GBE1: variants seen among roughly 807,000 people sequenced by gnomAD.
GBE1 encodes 1,4-alpha-glucan branching enzyme 1.
A neutral mutation model predicts 88.8 loss-of-function variants in GBE1; 70 were observed. The observed-to-expected ratio is 0.79, with a 90% CI of 0.65 to 0.96. The LOEUF is 0.96. Among genes scored for constraint, GBE1 ranks in the 40% least tolerant of loss-of-function variants. The pLI is 0.00. For synonymous variants in GBE1, 284 were observed against 300.1 expected (o/e 0.95, Z 0.56); for missense variants, 872 against 871.0 (o/e 1.00, Z -0.01).
At chr3:81,625,493 C>T (rs897478020) in intron 7 of GBE1, among the ~76,000 whole-genome samples, 1 of 151,906 alleles carries the variant, frequency 6.6e-6, no homozygotes, top group Non-Finnish European at 1.5e-5. Flanking sequence ...GGCTGGAGTG[C>T]AGCAGCATGA....
intron 7 of GBE1, among the ~76,000 whole-genome samples, chr3:81,602,515 G>A (rs969909122): frequency 2.6e-5 from 4 of 152,100 alleles, no homozygotes; most frequent in Non-Finnish European, 5.9e-5. Flanking sequence ...GTCCTCTTAC[G>A]AGTTGCAAAG....
At chr3:81,492,478 G>A (rs1444662048) in intron 15 of GBE1, among the ~76,000 whole-genome samples, 82 of 145,652 alleles carry the variant, frequency 5.6e-4, no homozygotes, top group African/African-American at 1.9e-3. Flanking sequence ...CAAAGAAGGA[G>A]AAAAAAAAAA....
intron 14 of GBE1, among the ~76,000 whole-genome samples, chr3:81,510,380 CTCTTT>C (rs1316810830): frequency 6.6e-6 from 1 of 152,024 alleles, no homozygotes; most frequent in Non-Finnish European, 1.5e-5. Flanking sequence ...AGTCCTCTTT[CTCTTT>C]TAAGACTAGA....
At chr3:81,579,465 T>A (rs760718845) in intron 11 of GBE1, among the ~76,000 whole-genome samples, 11 of 152,110 alleles carry the variant, frequency 7.2e-5, no homozygotes, top group Non-Finnish European at 7.4e-5. Context: ...GGTAGAAATT[T>A]ACGTAAGAAA....
At chr3:81,737,575 A>C (rs557503654) in intron 1 of GBE1, among the ~76,000 whole-genome samples, 1 of 151,040 alleles carries the variant, frequency 6.6e-6, no homozygotes, top group African/African-American at 2.4e-5. Context: ...ATTGAGAGTA[A>C]GCATTTAGAG....
intron 7 of GBE1, among the ~76,000 whole-genome samples, chr3:81,624,830 T>C (rs1383629703): frequency 6.6e-6 from 1 of 152,156 alleles, no homozygotes; most frequent in Admixed American, 6.6e-5. Flanking sequence ...AAGAACCAAG[T>C]CTCCTTCTGG....
Position 81,490,310 on chromosome 3 carries a change from T to A in GBE1, c.*97A>T. The A allele has an allele frequency of 9.7e-7, 1 of 1,031,786 alleles. No homozygotes were observed. The highest frequency in any genetic ancestry group is 1.5e-6 in the Non-Finnish European group (1 of 659,444). 63.9% of individuals were successfully genotyped at this position (1,031,786 alleles called of 1,614,324 possible). On this transcript the variant is annotated 3_prime_UTR_variant, in exon 16 of 16. Transcript: ENST00000429644. Reference sequence around the variant, plus strand: ...ACACTTGATGGCTTGGCTAGACAACTGTATTCTGAAAAGCATACATGTTAT... The same window carrying A: ...ACACTTGATGGCTTGGCTAGACAACAGTATTCTGAAAAGCATACATGTTAT...
chr3:81,750,567 A>ATATATATGTGTATATATATATATG lies in GBE1; in HGVS notation c.143+10807_143+10808insCATATATATATATACACATATATA, dbSNP rs1559708441. On this transcript the variant is annotated intron_variant, in intron 1 of 15. Coordinates refer to ENST00000429644, the MANE Select transcript of GBE1 (RefSeq NM_000158.4). ...TATATATATGTATATATATATGTAT[A>ATATATATGTGTATATATATATATG]TATATATACGTATATATATACGTAT... Among the ~76,000 whole-genome samples, 16 of 69,856 alleles carry ATATATATGTGTATATATATATATG rather than the reference A, an allele frequency of 2.3e-4. 1 individual carries two copies. The highest frequency in any genetic ancestry group is 1.3e-3 in the African/African-American group (16 of 12,212). The allele number at this position is 69,856 out of a possible 152,430, so 45.8% of individuals were successfully genotyped here. A position where few individuals can be genotyped will look rare whatever the true frequency, so the allele number is the denominator to read the frequency against.
At chr3:81,668,005 T>C (rs1705137118) in intron 3 of GBE1, among the ~76,000 whole-genome samples, 1 of 152,104 alleles carries the variant, frequency 6.6e-6, no homozygotes, top group African/African-American at 2.4e-5. Flanking sequence ...ATAAAGAAAA[T>C]GTGGTACATA....
intron 1 of GBE1, among the ~76,000 whole-genome samples, chr3:81,749,703 A>G (rs1706468862): frequency 6.6e-6 from 1 of 152,182 alleles, no homozygotes; most frequent in Non-Finnish European, 1.5e-5. Context: ...TATGCAAGAT[A>G]TTACCACTGC....
chr3:81,671,275 C>T (rs1189288268), intron 2 of GBE1, among the ~76,000 whole-genome samples: 2 of 151,826 alleles, frequency 1.3e-5, no homozygotes, highest in East Asian at 1.9e-4. Context: ...TTTTAGAAAA[C>T]ACCATCAACA....
chr3:81,570,281 T>C (rs1310544860), intron 12 of GBE1, among the ~76,000 whole-genome samples: 1 of 152,152 alleles, frequency 6.6e-6, no homozygotes, highest in Admixed American at 6.6e-5. Flanking sequence ...CAGAAATCTA[T>C]GGGATTAAGA....
At chr3:81,664,023 A>C (rs2107102564) in intron 3 of GBE1, among the ~76,000 whole-genome samples, 1 of 152,326 alleles carries the variant, frequency 6.6e-6, no homozygotes, top group South Asian at 2.1e-4. Flanking sequence ...ATAGAAAAAA[A>C]AATATTTTCT....
intron 3 of GBE1, among the ~76,000 whole-genome samples, chr3:81,657,513 TTAAAA>T (rs1704959174): frequency 1.3e-5 from 2 of 152,140 alleles, no homozygotes; most frequent in South Asian, 4.1e-4. Context: ...TAATGGGGAA[TTAAAA>T]TAAAGAGATC....
At chr3:81,700,589 A>T (rs1705672824) in intron 2 of GBE1, among the ~76,000 whole-genome samples, 1 of 152,200 alleles carries the variant, frequency 6.6e-6, no homozygotes, top group African/African-American at 2.4e-5. Context: ...TACAGTTCAC[A>T]GAACCCACTG....
At chr3:81,562,425 T>C (rs1703433472) in intron 12 of GBE1, among the ~76,000 whole-genome samples, 2 of 152,010 alleles carry the variant, frequency 1.3e-5, no homozygotes, top group Admixed American at 1.3e-4. Context: ...ACTACTGTCT[T>C]ATATAGGGTA....
At chr3:81,640,302 C>T (rs1035267757) in intron 7 of GBE1, among the ~76,000 whole-genome samples, 3 of 151,826 alleles carry the variant, frequency 2.0e-5, no homozygotes, top group Admixed American at 6.6e-5. Flanking sequence ...CATCAGCTGC[C>T]AGCACAGCCA....
chr3:81,589,526 A>T lies in GBE1; in HGVS notation c.1236+1511T>A, dbSNP rs1703847448. On this transcript the variant is annotated intron_variant, in intron 9 of 15. Transcript: ENST00000429644. ...ACATCTTTTTTTAAAAAAAAAAAAA[A>T]TCTAAAACCAAGTAATATAAAGTAG... Among the ~76,000 whole-genome samples the T allele has an allele frequency of 2.6e-5, 4 of 151,892 alleles. No homozygotes were observed. In the South Asian group the frequency reaches 6.2e-4, roughly 24 times the overall value.
chr3:81,593,377 A>G (rs1024854774), intron 8 of GBE1, among the ~76,000 whole-genome samples: 11 of 147,894 alleles, frequency 7.4e-5, no homozygotes, highest in Non-Finnish European at 1.0e-4. Flanking sequence ...GAACAATAAT[A>G]ATAATAATAA....
Sources: gnomAD v4.1 joint callset for allele counts (sites outside exome capture counted in the v4.1 genomes callset) on GRCh38, gnomAD v4.1.1 for gene constraint, MANE v1.5 for transcripts, NCBI Gene and HGNC (gene_info 2026-07-23, HGNC 2026-07-21) for gene names.